Variants in IL1RAPL1 observed in about 807,000 individuals in gnomAD.
The protein encoded by IL1RAPL1 is interleukin 1 receptor accessory protein like 1.
IL1RAPL1 carries 3 observed loss-of-function variants against 48.4 expected under a neutral mutation model. The ratio of observed to expected loss-of-function variants is 0.06; its 90% CI spans 0.03 to 0.16. IL1RAPL1 has a LOEUF of 0.16. IL1RAPL1 is among the 10% of genes least tolerant of loss of function. The pLI is 1.00. For synonymous variants in IL1RAPL1, 185 were observed against 187.7 expected, an observed-to-expected ratio of 0.99 and a Z score of 0.12; for missense variants, 349 against 530.6, an observed-to-expected ratio of 0.66 and a Z score of 3.36.
intron 5 of IL1RAPL1, among the ~76,000 whole-genome samples, chrX:29,638,079 G>A (rs1925031479): frequency 9.0e-6 from 1 of 111,111 alleles, no homozygotes; most frequent in African/African-American, 3.3e-5. Flanking sequence ...TGAACCAAAT[G>A]TAGGCTAGCT....
chrX:28,674,572 C>A (rs1331806082), intron 1 of IL1RAPL1, among the ~76,000 whole-genome samples: 1 of 111,573 alleles, frequency 9.0e-6, no homozygotes, highest in Non-Finnish European at 1.9e-5. Flanking sequence ...TTTTAACTGT[C>A]CTAATTTTCA....
chrX:28,629,988 T>A (rs1934381570), intron 1 of IL1RAPL1, among the ~76,000 whole-genome samples: 1 of 111,704 alleles, frequency 9.0e-6, no homozygotes, highest in African/African-American at 3.3e-5. Context: ...TCCTGATATG[T>A]TAAAAATATA....
chrX:29,710,951 T>C (rs1261181596), intron 6 of IL1RAPL1, among the ~76,000 whole-genome samples: 8 of 105,986 alleles, frequency 7.5e-5, no homozygotes, highest in African/African-American at 2.7e-4. Context: ...CTACTGAAAT[T>C]TATTTTTTAA....
intron 6 of IL1RAPL1, among the ~76,000 whole-genome samples, chrX:29,909,515 T>G (rs777141275): frequency 2.7e-5 from 3 of 110,624 alleles, no homozygotes; most frequent in Non-Finnish European, 5.7e-5. Flanking sequence ...GAGTGCCAAA[T>G]CAAGAATGCA....
At chrX:28,996,710 C>A (rs1014420630) in intron 2 of IL1RAPL1, among the ~76,000 whole-genome samples, 39 of 110,430 alleles carry the variant, frequency 3.5e-4, no homozygotes, top group African/African-American at 1.3e-3. Flanking sequence ...ACATTCACAA[C>A]GTTGTGCAAC....
intron 6 of IL1RAPL1, among the ~76,000 whole-genome samples, chrX:29,798,289 G>C (rs767998614): frequency 2.4e-4 from 27 of 111,800 alleles, no homozygotes; most frequent in Non-Finnish European, 4.5e-4. Flanking sequence ...GCCCCAGTGT[G>C]GGAGCAGGGT....
At chrX:28,952,792 T>A (rs762826644) in intron 2 of IL1RAPL1, among the ~76,000 whole-genome samples, 2 of 111,589 alleles carry the variant, frequency 1.8e-5, no homozygotes, top group Non-Finnish European at 3.8e-5. Context: ...TTTTAAAAGG[T>A]TAAACAAAGG....
At chrX:29,244,882 C>T (rs1045136664) in intron 2 of IL1RAPL1, among the ~76,000 whole-genome samples, 17 of 110,512 alleles carry the variant, frequency 1.5e-4, no homozygotes, top group Non-Finnish European at 2.6e-4. Flanking sequence ...CCCATCCACC[C>T]GTCATCTATG....
chrX:29,530,821 A>G (rs1488710193), intron 5 of IL1RAPL1, among the ~76,000 whole-genome samples: 2 of 112,252 alleles, frequency 1.8e-5, no homozygotes, highest in African/African-American at 6.5e-5. Context: ...CACTGGAACT[A>G]GGTTTCTAGG....
At chrX:29,554,006 A>G (rs1921911460) in intron 5 of IL1RAPL1, among the ~76,000 whole-genome samples, 1 of 109,102 alleles carries the variant, frequency 9.2e-6, no homozygotes, top group Non-Finnish European at 1.9e-5. Context: ...TCAGTGTGGA[A>G]GTTTGCTTTG....
intron 2 of IL1RAPL1, among the ~76,000 whole-genome samples, chrX:28,836,366 CAGAGAGAGAG>C (rs764336117): frequency 0.023 from 2,141 of 91,408 alleles, 151 homozygotes; most frequent in African/African-American, 0.087. Context: ...ATATATATGA[CAGAGAGAGAG>C]AGAGAGAGAG....
At chrX:29,736,193 A>G (rs1381717513) in intron 6 of IL1RAPL1, among the ~76,000 whole-genome samples, 1 of 112,231 alleles carries the variant, frequency 8.9e-6, no homozygotes, top group Non-Finnish European at 1.9e-5. Flanking sequence ...TTTTATACCC[A>G]TATCTCTATT....
intron 5 of IL1RAPL1, among the ~76,000 whole-genome samples, chrX:29,501,465 C>A (rs1018989037): frequency 9.0e-6 from 1 of 110,880 alleles, no homozygotes; most frequent in East Asian, 2.8e-4. Flanking sequence ...AGTTTTTAAT[C>A]CATTTTGATT....
At chrX:28,990,481 G>C (rs764385769) in intron 2 of IL1RAPL1, among the ~76,000 whole-genome samples, 28 of 112,011 alleles carry the variant, frequency 2.5e-4, no homozygotes, top group Non-Finnish European at 4.5e-4. Flanking sequence ...CAGTGAAACA[G>C]ACAAGTATTC....
intron 6 of IL1RAPL1, among the ~76,000 whole-genome samples, chrX:29,846,526 G>A (rs1601849694): frequency 9.1e-6 from 1 of 110,322 alleles, no homozygotes; most frequent in African/African-American, 3.3e-5. Flanking sequence ...TCTATGTTAA[G>A]AGATAAAGGT....
At chrX:29,009,962 A>G (rs1319638155) in intron 2 of IL1RAPL1, among the ~76,000 whole-genome samples, 1 of 111,562 alleles carries the variant, frequency 9.0e-6, no homozygotes, top group Non-Finnish European at 1.9e-5. Context: ...CCTTGTAAAG[A>G]TATTTTACCT....
intron 2 of IL1RAPL1, among the ~76,000 whole-genome samples, chrX:28,935,375 GA>G (rs1477535241): frequency 1.8e-5 from 2 of 111,028 alleles, no homozygotes; most frequent in Admixed American, 9.7e-5. Context: ...ACCATTTGTT[GA>G]AAAAACTATT....
intron 6 of IL1RAPL1, among the ~76,000 whole-genome samples, chrX:29,783,350 A>C (rs150035765): frequency 1.8e-4 from 20 of 111,614 alleles, no homozygotes; most frequent in African/African-American, 6.2e-4. Context: ...TCCTGATTAG[A>C]GGAGGGAACA....
At chrX:28,812,505 T>G (rs921446465) in intron 2 of IL1RAPL1, among the ~76,000 whole-genome samples, 1 of 110,959 alleles carries the variant, frequency 9.0e-6, no homozygotes, top group Non-Finnish European at 1.9e-5. Flanking sequence ...AAACTTAAAG[T>G]TGTTAAAATG....
Sources: allele counts gnomAD v4.1 joint callset (sites outside exome capture counted in the v4.1 genomes callset), GRCh38; gene constraint gnomAD v4.1.1; transcripts MANE v1.5; gene names NCBI Gene and HGNC (gene_info 2026-07-23, HGNC 2026-07-21).